The following ROBO2 variants were observed in gnomAD, a reference collection of about 807,000 sequenced individuals.
ROBO2 encodes the protein roundabout homolog 2.
Under a neutral mutation model 160.8 loss-of-function variants are expected in ROBO2, and 53 were observed. That is an observed-to-expected ratio of 0.33 (90% CI 0.26 to 0.41). The LOEUF is 0.41. ROBO2 is among the 10% of genes least tolerant of loss of function. The pLI, the probability that ROBO2 is intolerant of heterozygous loss-of-function variation, is 1.00. For missense variants in ROBO2, 1,577 were observed against 1,722.4 expected (o/e 0.92, Z 1.49); for synonymous variants, 664 against 611.7 (o/e 1.09, Z -1.26).
intron 2 of ROBO2, among the ~76,000 whole-genome samples, chr3:76,672,571 T>C (rs1182805027): frequency 1.3e-5 from 2 of 152,090 alleles, no homozygotes; most frequent in African/African-American, 4.8e-5. Context: ...TCAAGAGTGT[T>C]TGTACATTTG....
chr3:76,194,350 G>GTGTATATATATA (rs759087780), intron 2 of ROBO2, among the ~76,000 whole-genome samples: 42 of 42,040 alleles, frequency 1.0e-3, no homozygotes, highest in Non-Finnish European at 2.2e-3. Flanking sequence ...TGTATGGTGT[G>GTGTATATATATA]TAAATATATA....
intron 21 of ROBO2, among the ~76,000 whole-genome samples, chr3:77,613,856 A>C (rs910878953): frequency 6.6e-6 from 1 of 152,176 alleles, no homozygotes; most frequent in Non-Finnish European, 1.5e-5. Context: ...GACTGCATAT[A>C]ATCAATTTTC....
intron 2 of ROBO2, among the ~76,000 whole-genome samples, chr3:76,896,615 A>G (rs977777299): frequency 2.0e-5 from 3 of 152,286 alleles, no homozygotes; most frequent in East Asian, 1.9e-4. Context: ...CAGTTAAAAA[A>G]GTTAGTATTA....
chr3:76,605,925 A>T (rs936178568), intron 2 of ROBO2, among the ~76,000 whole-genome samples: 5 of 152,142 alleles, frequency 3.3e-5, no homozygotes, highest in African/African-American at 1.2e-4. Context: ...TTTTGTGTAA[A>T]TAACATCATT....
At chr3:76,696,032 T>C (rs1487045452) in intron 2 of ROBO2, among the ~76,000 whole-genome samples, 1 of 152,206 alleles carries the variant, frequency 6.6e-6, no homozygotes, top group African/African-American at 2.4e-5. Flanking sequence ...GGGTGAACTG[T>C]AGTTTTTAAA....
intron 2 of ROBO2, among the ~76,000 whole-genome samples, chr3:76,841,989 G>A (rs2068320992): frequency 6.6e-6 from 1 of 152,188 alleles, no homozygotes; most frequent in Admixed American, 6.5e-5. Context: ...GTCTAAACAA[G>A]ATGACATGAG....
chr3:76,261,780 G>C lies in ROBO2; in HGVS notation c.109+324178G>C, dbSNP rs549360195. 5.3e-5 allele frequency among the ~76,000 whole-genome samples: 8 copies of C among 152,060 alleles called. No homozygotes were observed. The South Asian group carries it at 1.2e-3, about 24-fold the overall frequency. On this transcript the variant is annotated intron_variant, in intron 2 of 26. Coordinates refer to the ROBO2 transcript ENST00000487694. ...TGTATTTTTCATGCATGATATACTT[G>C]ATATATTCTATTTGAAATAGCAATT...
At chr3:76,979,447 A>G (rs77800727) in intron 2 of ROBO2, among the ~76,000 whole-genome samples, 5,092 of 152,116 alleles carry the variant, frequency 0.033, 291 homozygotes, top group African/African-American at 0.12. Flanking sequence ...GCTCCCACCT[A>G]TAAGTGAGTA....
In ROBO2 at chr3:76,560,468, C is replaced by T. The variant is rs1395085606; in HGVS notation, c.110-537546C>T. 2.0e-5 allele frequency among the ~76,000 whole-genome samples: 3 copies of T among 151,984 alleles called. No individual in the cohort carries two copies. The East Asian group carries it at 5.8e-4, about 30-fold the overall frequency. ...TTTGAGGCATTAAATGGGATGTAAG[C>T]AGCTCAGCACAGTGTCTGACACAAC... On this transcript the variant is annotated intron_variant, in intron 2 of 26. Coordinates refer to the ROBO2 transcript ENST00000487694.
intron 23 of ROBO2, among the ~76,000 whole-genome samples, chr3:77,623,221 C>T (rs548997667): frequency 6.6e-6 from 1 of 152,246 alleles, no homozygotes; most frequent in South Asian, 2.1e-4. Flanking sequence ...CTGTTGGACA[C>T]ACAAGAAAAT....
At chr3:77,038,020 A>G (rs2063739901), upstream of ROBO2, among the ~76,000 whole-genome samples, 1 of 152,194 alleles carries the variant, frequency 6.6e-6, no homozygotes, top group East Asian at 1.9e-4. Context: ...ACCAAGCCCA[A>G]GTGTTTAAAA....
chr3:76,062,689 C>T (rs1429190707), intron 2 of ROBO2, among the ~76,000 whole-genome samples: 2 of 152,130 alleles, frequency 1.3e-5, no homozygotes, highest in Non-Finnish European at 2.9e-5. Context: ...GACACAGGCA[C>T]AGTATTCAAA....
intron 2 of ROBO2, among the ~76,000 whole-genome samples, chr3:76,427,263 A>G (rs1382481558): frequency 6.9e-6 from 1 of 144,980 alleles, no homozygotes; most frequent in Non-Finnish European, 1.5e-5. Context: ...TTTAATGCCT[A>G]AAAAAAAAAA....
At chr3:75,944,784 A>G (rs1437469548) in intron 2 of ROBO2, among the ~76,000 whole-genome samples, 1 of 152,130 alleles carries the variant, frequency 6.6e-6, no homozygotes, top group African/African-American at 2.4e-5. Flanking sequence ...ATTGGGATGC[A>G]ATTGTTTTTC....
intron 2 of ROBO2, among the ~76,000 whole-genome samples, chr3:76,080,376 C>T (rs533554400): frequency 6.6e-6 from 1 of 152,264 alleles, no homozygotes; most frequent in East Asian, 1.9e-4. Flanking sequence ...TTTTTTTCTA[C>T]TGTTCCCAAA....
chr3:76,560,897 ATC>A (rs2084135173), intron 2 of ROBO2, among the ~76,000 whole-genome samples: 1 of 146,604 alleles, frequency 6.8e-6, no homozygotes, highest in East Asian at 2.0e-4. Context: ...GAGCTTGACT[ATC>A]TCATTTTATC....
chr3:76,641,837 A>G (rs1007075749), intron 2 of ROBO2, among the ~76,000 whole-genome samples: 1 of 152,174 alleles, frequency 6.6e-6, no homozygotes, highest in Non-Finnish European at 1.5e-5. Context: ...TCCCGGACTT[A>G]GGCCATCCTC....
At chr3:77,292,355 G>T (rs1233732667) in intron 2 of ROBO2, among the ~76,000 whole-genome samples, 1 of 151,770 alleles carries the variant, frequency 6.6e-6, no homozygotes, top group Non-Finnish European at 1.5e-5. Context: ...AAGTAAAATT[G>T]ACGGTTAAAT....
intron 16 of ROBO2, among the ~76,000 whole-genome samples, chr3:77,588,543 T>C (rs2094109576): frequency 6.6e-6 from 1 of 152,018 alleles, no homozygotes; most frequent in African/African-American, 2.4e-5. Context: ...ACACAAGAGG[T>C]CAGTGTTCTT....
Sources: gnomAD v4.1 joint callset for allele counts (sites outside exome capture counted in the v4.1 genomes callset) on GRCh38, gnomAD v4.1.1 for gene constraint, MANE v1.5 for transcripts, NCBI Gene and HGNC (gene_info 2026-07-23, HGNC 2026-07-21) for gene names.